SAMD4A: variants seen among roughly 807,000 people sequenced by gnomAD.
SAMD4A encodes the protein sterile alpha motif domain containing 4A.
Under a neutral mutation model 81.3 loss-of-function variants are expected in SAMD4A, and 33 were observed. The observed-to-expected ratio is 0.41, with a 90% CI of 0.31 to 0.54. SAMD4A has a LOEUF of 0.54. SAMD4A is among the 20% of genes least tolerant of loss of function. The probability of loss-of-function intolerance (pLI) is 0.37; values close to 1 mark genes in which losing one functional copy is unlikely to be tolerated. For synonymous variants in SAMD4A, 389 were observed against 382.1 expected (o/e 1.02, Z -0.21); for missense variants, 854 against 951.1 (o/e 0.90, Z 1.34).
intron 3 of SAMD4A, among the ~76,000 whole-genome samples, chr14:54,708,014 C>A (rs546705473): frequency 6.6e-6 from 1 of 152,108 alleles, no homozygotes; most frequent in Non-Finnish European, 1.5e-5. Context: ...AGAAAAGTGA[C>A]ATGATCCAAC....
chr14:54,629,761 A>G (rs1408193575), intron 2 of SAMD4A, among the ~76,000 whole-genome samples: 1 of 152,202 alleles, frequency 6.6e-6, no homozygotes, highest in East Asian at 1.9e-4. Flanking sequence ...TTATGCAGCC[A>G]TTACCACCAT....
At chr14:54,686,084 T>C (rs937393853) in intron 2 of SAMD4A, among the ~76,000 whole-genome samples, 1 of 152,108 alleles carries the variant, frequency 6.6e-6, no homozygotes, top group East Asian at 1.9e-4. Flanking sequence ...GGGTGGTGAG[T>C]CCAGCTTTCT....
chr14:54,616,565 T>C (rs1293092179), intron 2 of SAMD4A, among the ~76,000 whole-genome samples: 1 of 152,220 alleles, frequency 6.6e-6, no homozygotes, highest in African/African-American at 2.4e-5. Flanking sequence ...GGCAAGGTGA[T>C]ATCCCACATA....
chr14:54,691,549 CAAAAAAA>C (rs10610242), intron 2 of SAMD4A, among the ~76,000 whole-genome samples: 10 of 101,092 alleles, frequency 9.9e-5, no homozygotes, highest in Non-Finnish European at 1.0e-4. Context: ...CTTCCCTTCT[CAAAAAAA>C]AAAAAAAAAA....
chr14:54,619,300 C>A (rs759298680), intron 2 of SAMD4A, among the ~76,000 whole-genome samples: 1 of 152,164 alleles, frequency 6.6e-6, no homozygotes, highest in East Asian at 1.9e-4. Flanking sequence ...ATTTAAAATT[C>A]TTTAATCCCT....
chr14:54,655,165 A>C (rs1215698966), intron 2 of SAMD4A, among the ~76,000 whole-genome samples: 1 of 152,218 alleles, frequency 6.6e-6, no homozygotes, highest in Non-Finnish European at 1.5e-5. Flanking sequence ...CAAAAATATC[A>C]GCTCATTATT....
intron 2 of SAMD4A, among the ~76,000 whole-genome samples, chr14:54,602,173 C>A (rs1307982054): frequency 6.6e-6 from 1 of 152,088 alleles, no homozygotes; most frequent in African/African-American, 2.4e-5. Flanking sequence ...AATCAATGCC[C>A]TTTTACTTGG....
At chr14:54,785,382 C>T (rs1440227638) in intron 12 of SAMD4A, among the ~76,000 whole-genome samples, 1 of 152,252 alleles carries the variant, frequency 6.6e-6, no homozygotes, top group Non-Finnish European at 1.5e-5. Context: ...AAGCGGGCAC[C>T]TTTCTCTGGG....
At chr14:54,729,242 G>T (rs186855720) in intron 3 of SAMD4A, among the ~76,000 whole-genome samples, 1 of 152,276 alleles carries the variant, frequency 6.6e-6, no homozygotes, top group East Asian at 1.9e-4. Context: ...AGCAGTCTAG[G>T]TGGTGCCGTT....
In SAMD4A at chr14:54,748,902, C is replaced by A; in HGVS notation, c.1067C>A (p.Thr356Asn). Residue 356 changes from threonine (T) to asparagine (N), a missense_variant, in exon 5 of 13, where the codon ACC (threonine) becomes AAC (asparagine). Transcript: ENST00000554335. ...QMTYEEMMAL[T>N]ECQLEAQNVT... ...ACCTATGAGGAGATGATGGCCCTCACCGAGTGCCAGCTGGAGGCGCAGGTA... is the reference window on the plus strand; with the variant it reads ...ACCTATGAGGAGATGATGGCCCTCAACGAGTGCCAGCTGGAGGCGCAGGTA... 6.4e-7 allele frequency: 1 copy of A among 1,553,730 alleles called. No individual in the cohort carries two copies. The highest frequency in any genetic ancestry group is 8.7e-7 in the Non-Finnish European group (1 of 1,147,650).
chr14:54,786,804 T>C (rs2039152765), intron 12 of SAMD4A, among the ~76,000 whole-genome samples: 1 of 152,260 alleles, frequency 6.6e-6, no homozygotes, highest in South Asian at 2.1e-4. Context: ...GACTTCGTTT[T>C]TTTCAGTCTG....
intron 8 of SAMD4A, among the ~76,000 whole-genome samples, chr14:54,767,447 T>G (rs1419655279): frequency 6.6e-6 from 1 of 152,238 alleles, no homozygotes; most frequent in Non-Finnish European, 1.5e-5. Flanking sequence ...ACCAGTCACT[T>G]TGACTCCTGA....
chr14:54,719,946 A>G (rs1030249945), intron 3 of SAMD4A, among the ~76,000 whole-genome samples: 3 of 152,112 alleles, frequency 2.0e-5, no homozygotes, highest in African/African-American at 7.2e-5. Flanking sequence ...ATTTTCTTGA[A>G]TTTTCAAAAT....
chr14:54,739,199 AT>A (rs1352152090), intron 4 of SAMD4A, among the ~76,000 whole-genome samples: 1 of 152,012 alleles, frequency 6.6e-6, no homozygotes, highest in African/African-American at 2.4e-5. Context: ...GAAAAGTTGA[AT>A]AAATGCCCTA....
At chr14:54,713,632 A>C (rs1251714686) in intron 3 of SAMD4A, among the ~76,000 whole-genome samples, 1 of 152,192 alleles carries the variant, frequency 6.6e-6, no homozygotes, top group African/African-American at 2.4e-5. Flanking sequence ...GATTTGTTTC[A>C]CAGCCAGCCT....
At chr14:54,788,250 C>T (rs1462284286) in intron 12 of SAMD4A, among the ~76,000 whole-genome samples, 1 of 152,182 alleles carries the variant, frequency 6.6e-6, no homozygotes, top group Non-Finnish European at 1.5e-5. Flanking sequence ...GCCACCTTGT[C>T]CCCAGTGTCT....
At chr14:54,739,674 T>G (rs1444286190) in intron 4 of SAMD4A, among the ~76,000 whole-genome samples, 1 of 152,174 alleles carries the variant, frequency 6.6e-6, no homozygotes, top group African/African-American at 2.4e-5. Flanking sequence ...GGCCAGTATT[T>G]GTTCAATAGA....
intron 2 of SAMD4A, among the ~76,000 whole-genome samples, chr14:54,672,504 G>A (rs138514799): frequency 2.2e-4 from 33 of 152,290 alleles, no homozygotes; most frequent in Non-Finnish European, 3.4e-4. Context: ...AAGGTTCACA[G>A]GGCCCCTGAG....
At chr14:54,673,138 A>C (rs2035920713) in intron 2 of SAMD4A, among the ~76,000 whole-genome samples, 1 of 152,196 alleles carries the variant, frequency 6.6e-6, no homozygotes. Context: ...TTTCCAGAGC[A>C]CTATAATCCA....
Sources: gnomAD v4.1 joint callset for allele counts (sites outside exome capture counted in the v4.1 genomes callset) on GRCh38, gnomAD v4.1.1 for gene constraint, MANE v1.5 for transcripts, NCBI Gene and HGNC (gene_info 2026-07-23, HGNC 2026-07-21) for gene names.